Variants in C1QTNF2 observed in about 807,000 individuals in gnomAD.
The protein encoded by C1QTNF2 is C1q and TNF related 2.
Under a neutral mutation model 17.4 loss-of-function variants are expected in C1QTNF2, and 15 were observed. That is an observed-to-expected ratio of 0.86 (90% confidence interval 0.58 to 1.33). The LOEUF (loss-of-function observed/expected upper bound fraction) is 1.33, where lower values mean the gene tolerates loss of function less well. C1QTNF2 is among the 40% of genes most tolerant of loss of function. The probability of loss-of-function intolerance (pLI) is 0.00; values close to 1 mark genes in which losing one functional copy is unlikely to be tolerated. For missense variants in C1QTNF2, 381 were observed against 392.3 expected (o/e 0.97, Z 0.24); for synonymous variants, 154 against 163.3 (o/e 0.94, Z 0.44).
chr5:160,366,727 A>G (rs924451048), intron 1 of C1QTNF2, among the ~76,000 whole-genome samples: 2 of 152,244 alleles, frequency 1.3e-5, no homozygotes, highest in African/African-American at 2.4e-5. Context: ...CTTTTTGTTA[A>G]TATTACAATG....
intron 2 of C1QTNF2, among the ~76,000 whole-genome samples, chr5:160,351,083 G>T (rs1188608981): frequency 6.6e-6 from 1 of 152,142 alleles, no homozygotes; most frequent in East Asian, 1.9e-4. Context: ...CCATTTAAAC[G>T]CATAGAAGAG....
chr5:160,364,728 G>A (rs1764215747), intron 1 of C1QTNF2, among the ~76,000 whole-genome samples: 1 of 152,144 alleles, frequency 6.6e-6, no homozygotes, highest in South Asian at 2.1e-4. Flanking sequence ...TCCTAGGGAG[G>A]CTGGGCCTTT....
intron 2 of C1QTNF2, among the ~76,000 whole-genome samples, chr5:160,353,449 C>T (rs1763963521): frequency 6.6e-6 from 1 of 152,088 alleles, no homozygotes; most frequent in East Asian, 1.9e-4. Context: ...TTCATACGGT[C>T]CTAGCGGGGC....
chr5:160,363,329 C>T (rs1023283806), intron 1 of C1QTNF2, among the ~76,000 whole-genome samples: 1 of 152,244 alleles, frequency 6.6e-6, no homozygotes, highest in African/African-American at 2.4e-5. Flanking sequence ...AATGTCCCCT[C>T]TCTCCAGATC....
intron 2 of C1QTNF2, among the ~76,000 whole-genome samples, chr5:160,352,180 A>G (rs1273359500): frequency 6.6e-6 from 1 of 152,208 alleles, no homozygotes; most frequent in African/African-American, 2.4e-5. Context: ...AACTGCTGAA[A>G]TTACAGGCAT....
At chr5:160,369,175 G>T in intron 1 of C1QTNF2, among the ~76,000 whole-genome samples, 1 of 152,148 alleles carries the variant, frequency 6.6e-6, no homozygotes, top group Non-Finnish European at 1.5e-5. Context: ...ATTGGGAGGG[G>T]GTGTGTGGGC....
At chr5:160,352,519 C>A (rs1763945137) in intron 2 of C1QTNF2, among the ~76,000 whole-genome samples, 1 of 152,200 alleles carries the variant, frequency 6.6e-6, no homozygotes, top group Non-Finnish European at 1.5e-5. Context: ...ACTCAACACA[C>A]AGCAGAACAG....
chr5:160,349,010 T>TCTCGG lies in C1QTNF2; in HGVS notation c.*157_*158insCCGAG. On this transcript the variant is annotated 3_prime_UTR_variant, in exon 3 of 3. Coordinates refer to ENST00000652664, the MANE Select transcript of C1QTNF2 (RefSeq NM_031908.6). The surrounding 1 kb of genome is among the most constrained non-coding windows in gnomAD (Gnocchi z 4.3). ...TAGATGGTTGGATGAATAAAAAGGT[T>TCTCGG]TGGATTTAATGAAGGGGAAAAAAAG... 1.2e-6 allele frequency: 1 copy of TCTCGG among 829,060 alleles called. No individual in the cohort carries two copies. The highest frequency in any genetic ancestry group is 1.8e-6 in the Non-Finnish European group (1 of 541,314). The allele number at this position is 829,060 out of a possible 1,614,324, so 51.4% of individuals were successfully genotyped here. A position where few individuals can be genotyped will look rare whatever the true frequency, so the allele number is the denominator to read the frequency against.
At chr5:160,356,073 G>A (rs1764044138) in intron 1 of C1QTNF2, among the ~76,000 whole-genome samples, 1 of 152,196 alleles carries the variant, frequency 6.6e-6, no homozygotes, top group Non-Finnish European at 1.5e-5. Context: ...TGCACCTGGA[G>A]GTATCTACTC....
chr5:160,350,806 A>G lies in C1QTNF2; in HGVS notation c.245-1025T>C, dbSNP rs548261410. Among the ~76,000 whole-genome samples the G allele has an allele frequency of 2.7e-4, 40 of 150,176 alleles. No individual in the cohort carries two copies. The East Asian group carries it at 7.4e-3, about 28-fold the overall frequency. On this transcript the variant is annotated intron_variant, in intron 2 of 2. Transcript: ENST00000652664. Reference sequence around the variant, plus strand: ...TGCTCTGTCGCCCAGGCTGGAGCACAGTGGCGCGATCTCCGCTCACTGCAA... The same window carrying G: ...TGCTCTGTCGCCCAGGCTGGAGCACGGTGGCGCGATCTCCGCTCACTGCAA...
At chr5:160,353,432 A>G (rs1241496945) in intron 2 of C1QTNF2, among the ~76,000 whole-genome samples, 1 of 151,894 alleles carries the variant, frequency 6.6e-6, no homozygotes, top group Non-Finnish European at 1.5e-5. Context: ...GCCCTTCACC[A>G]TTTCATTTCA....
chr5:160,353,044 G>A (rs1194104949), intron 2 of C1QTNF2, among the ~76,000 whole-genome samples: 2 of 152,146 alleles, frequency 1.3e-5, no homozygotes, highest in African/African-American at 4.8e-5. Flanking sequence ...TAAGTAGTTT[G>A]TCAAAATCAG....
At chr5:160,357,647 C>T (rs1561824806) in intron 1 of C1QTNF2, among the ~76,000 whole-genome samples, 1 of 152,168 alleles carries the variant, frequency 6.6e-6, no homozygotes, top group East Asian at 1.9e-4. Context: ...TGGAAAGTTG[C>T]AGTCTACAAC....
chr5:160,365,374 T>A (rs921596559), intron 1 of C1QTNF2, among the ~76,000 whole-genome samples: 4 of 151,984 alleles, frequency 2.6e-5, no homozygotes, highest in African/African-American at 9.7e-5. Context: ...TTCCATGGAG[T>A]CATTTCTGGT....
intron 1 of C1QTNF2, 51 bp from the exon 2 acceptor site, chr5:160,355,071 C>T (rs1468501043): frequency 6.7e-7 from 1 of 1,483,036 alleles, no homozygotes. Flanking sequence ...CCAAGCTGAC[C>T]TGGGGCTGGT....
chr5:160,366,637 G>A (rs867209470), intron 1 of C1QTNF2, among the ~76,000 whole-genome samples: 1 of 152,216 alleles, frequency 6.6e-6, no homozygotes, highest in African/African-American at 2.4e-5. Context: ...ATGCAAAGAG[G>A]TACAGGATTT....
rs150252952 is a variant in C1QTNF2 at position 160,349,500 on chromosome 5, C to T, written c.526G>A (p.Glu176Lys). The T allele has an allele frequency of 3.2e-4, 524 of 1,613,952 alleles. No individual in the cohort carries two copies. Among genetic ancestry groups the T allele is most frequent in the Middle Eastern group, 6.6e-4 (4 of 6,084 alleles). Residue 176 changes from glutamate to lysine, a missense_variant, in exon 3 of 3, where the codon GAG (glutamate) becomes AAG (lysine). Transcript: ENST00000652664. The surrounding 1 kb of genome is among the most constrained non-coding windows in gnomAD (Gnocchi z 4.3). ...CTGGAAGCATTGTAGTGGCCACCCT[C>T]GTTCATCAGAATCTTGTCAAACTTG... ...PIKFDKILMN[E>K]GGHYNASSGK...
intron 1 of C1QTNF2, among the ~76,000 whole-genome samples, chr5:160,358,748 T>A (rs2064572159): frequency 6.6e-6 from 1 of 152,110 alleles, no homozygotes. Context: ...ACTGACCTTA[T>A]TACGCACCTA....
chr5:160,354,598 G>GTATATATATATA (rs1172776724), intron 2 of C1QTNF2, among the ~76,000 whole-genome samples, 170 bp downstream of exon 2: 356 of 30,698 alleles, frequency 0.012, 8 homozygotes, highest in Middle Eastern at 0.045. Context: ...AAAAAAAAAA[G>GTATATATATATA]TATATATATA....
Sources: gnomAD v4.1 joint callset for allele counts (sites outside exome capture counted in the v4.1 genomes callset) on GRCh38, gnomAD v4.1.1 for gene constraint, Gnocchi (gnomAD v3.1) non-coding constraint, MANE v1.5 for transcripts, NCBI Gene and HGNC (gene_info 2026-07-23, HGNC 2026-07-21) for gene names.